RASAL2: variants seen among roughly 807,000 people sequenced by gnomAD.
RASAL2 encodes ras GTPase-activating protein nGAP.
In RASAL2, 58 loss-of-function variants were observed where a neutral mutation model predicts 128.9. That is an observed-to-expected ratio of 0.45 (90% CI 0.36 to 0.56). The LOEUF is 0.56. Among genes scored for constraint, RASAL2 ranks in the 20% least tolerant of loss-of-function variants. The pLI, the probability that RASAL2 is intolerant of heterozygous loss-of-function variation, is 0.00. For missense variants in RASAL2, 1,360 were observed against 1,601.6 expected, an observed-to-expected ratio of 0.85 and a Z score of 2.57; for synonymous variants, 561 against 580.8, an observed-to-expected ratio of 0.97 and a Z score of 0.49.
intron 2 of RASAL2, among the ~76,000 whole-genome samples, chr1:178,299,445 T>C (rs191229066): frequency 3.9e-5 from 6 of 152,296 alleles, no homozygotes; most frequent in Admixed American, 3.9e-4. Flanking sequence ...TTATGATTTG[T>C]ACATACTTCA....
At chr1:178,324,463 C>G (rs1054097096) in intron 3 of RASAL2, among the ~76,000 whole-genome samples, 2 of 151,596 alleles carry the variant, frequency 1.3e-5, no homozygotes, top group African/African-American at 4.8e-5. Context: ...TTAAAGCATT[C>G]TATCTCTGTA....
intron 9 of RASAL2, 57 bp downstream of exon 9, chr1:178,445,719 T>C (rs1676952277): frequency 1.3e-6 from 2 of 1,517,496 alleles, no homozygotes; most frequent in East Asian, 4.7e-5. Flanking sequence ...TTAAGCTATT[T>C]CACCCCCATG....
chr1:178,466,514 G>A (rs1647716511), intron 16 of RASAL2, among the ~76,000 whole-genome samples: 1 of 152,178 alleles, frequency 6.6e-6, no homozygotes, highest in African/African-American at 2.4e-5. Flanking sequence ...GAGTGCTGCA[G>A]ATGCCAAGGG....
chr1:178,158,336 A>C (rs1019016057), intron 1 of RASAL2, among the ~76,000 whole-genome samples: 2 of 152,236 alleles, frequency 1.3e-5, no homozygotes, highest in South Asian at 4.1e-4. Context: ...GTAGTGGACT[A>C]AGTCTTATTT....
Position 178,131,274 on chromosome 1 carries a change from A to T in RASAL2, c.202+36580A>T, listed in dbSNP as rs1321132879. On this transcript the variant is annotated intron_variant, in intron 1 of 17. Coordinates refer to ENST00000367649, the MANE Select transcript of RASAL2 (RefSeq NM_170692.4). ...CAGACTGGACTGCAGTGGCACAATC[A>T]TAGCTCACTGCAGTCTTGAACTCCC... Among the ~76,000 whole-genome samples the T allele has an allele frequency of 1.3e-5, 2 of 151,170 alleles. 1 individual carries two copies. Among genetic ancestry groups the T allele is most frequent in the East Asian group, 3.9e-4 (2 of 5,138 alleles).
intron 4 of RASAL2, among the ~76,000 whole-genome samples, chr1:178,403,623 A>C (rs1054439653): frequency 6.6e-6 from 1 of 152,216 alleles, no homozygotes; most frequent in Non-Finnish European, 1.5e-5. Flanking sequence ...CTGAGTAACC[A>C]TGTGGAAAAA....
At chr1:178,411,173 C>CGT (rs1674353686) in intron 4 of RASAL2, among the ~76,000 whole-genome samples, 4 of 138,770 alleles carry the variant, frequency 2.9e-5, no homozygotes, top group African/African-American at 1.0e-4. Flanking sequence ...TGTACACACA[C>CGT]ACACACACAC....
intron 4 of RASAL2, among the ~76,000 whole-genome samples, chr1:178,399,215 C>G (rs1458317531): frequency 1.3e-5 from 2 of 152,204 alleles, no homozygotes; most frequent in African/African-American, 4.8e-5. Flanking sequence ...CTCTCTGACC[C>G]TGGCAGGGGC....
chr1:178,341,311 A>G (rs922791739), intron 3 of RASAL2, among the ~76,000 whole-genome samples: 9 of 152,146 alleles, frequency 5.9e-5, no homozygotes, highest in Admixed American at 5.2e-4. Context: ...GACTGCCTTC[A>G]CCCAGTGCTG....
At chr1:178,155,355 A>G (rs1291239405) in intron 1 of RASAL2, among the ~76,000 whole-genome samples, 1 of 150,220 alleles carries the variant, frequency 6.7e-6, no homozygotes, top group Non-Finnish European at 1.5e-5. Context: ...ATTTATGTAC[A>G]TTTCCCCTGA....
At chr1:178,320,716 CG>C (rs1285271075) in intron 3 of RASAL2, among the ~76,000 whole-genome samples, 3 of 152,204 alleles carry the variant, frequency 2.0e-5, no homozygotes, top group Admixed American at 2.0e-4. Context: ...GAGATGAACC[CG>C]GTACCTCAGA....
rs1432963944 is a variant in RASAL2 at position 178,248,216 on chromosome 1, A to T, written c.203-35348A>T. 2.0e-5 allele frequency among the ~76,000 whole-genome samples: 3 copies of T among 152,178 alleles called. No homozygotes were observed. The East Asian group carries it at 5.8e-4, about 29-fold the overall frequency. On this transcript the variant is annotated intron_variant, in intron 1 of 17. Transcript: ENST00000367649. ...TGTGTGGGAGTCTAAGTCTCTTCGTAGATCTCTGATAACTTGCTTTATGAA... is the reference window on the plus strand; with the variant it reads ...TGTGTGGGAGTCTAAGTCTCTTCGTTGATCTCTGATAACTTGCTTTATGAA...
chr1:178,414,279 ACT>A (rs1674605991), intron 4 of RASAL2, among the ~76,000 whole-genome samples: 1 of 152,190 alleles, frequency 6.6e-6, no homozygotes, highest in South Asian at 2.1e-4. Flanking sequence ...TGAAAAGATC[ACT>A]GTTTGCCAGG....
At chr1:178,159,565 CG>C (rs1661198187) in intron 1 of RASAL2, among the ~76,000 whole-genome samples, 1 of 152,162 alleles carries the variant, frequency 6.6e-6, no homozygotes, top group Non-Finnish European at 1.5e-5. Context: ...AAAATGCTCT[CG>C]CTTATTAGAC....
chr1:178,424,266 G>A (rs1215541627), intron 5 of RASAL2, among the ~76,000 whole-genome samples: 4 of 149,744 alleles, frequency 2.7e-5, no homozygotes, highest in Middle Eastern at 3.2e-3. Context: ...TTTTGGATAC[G>A]GAGTCTCACT....
intron 1 of RASAL2, chr1:178,123,573 C>G (rs1659789250): frequency 6.6e-6 from 1 of 152,218 alleles, no homozygotes; most frequent in African/African-American, 2.4e-5. Context: ...CCCCACTTCA[C>G]TGTCCTCTCT....
chr1:178,338,349 C>T (rs1669698963), intron 3 of RASAL2, among the ~76,000 whole-genome samples: 1 of 150,980 alleles, frequency 6.6e-6, no homozygotes, highest in South Asian at 2.1e-4. Context: ...AGGCTAGTCT[C>T]GAACTCCTAA....
chr1:178,335,596 C>T (rs190684824), intron 3 of RASAL2, among the ~76,000 whole-genome samples: 1 of 152,266 alleles, frequency 6.6e-6, no homozygotes, highest in Non-Finnish European at 1.5e-5. Flanking sequence ...CTCCCTGGCC[C>T]CTCCGTATTC....
At chr1:178,101,784 C>G (rs1658909225) in intron 1 of RASAL2, among the ~76,000 whole-genome samples, 1 of 152,188 alleles carries the variant, frequency 6.6e-6, no homozygotes, top group South Asian at 2.1e-4. Context: ...CCTTAGCCTC[C>G]TGATTTAGCT....
Sources: allele counts gnomAD v4.1 joint callset (sites outside exome capture counted in the v4.1 genomes callset), GRCh38; gene constraint gnomAD v4.1.1; transcripts MANE v1.5; gene names NCBI Gene and HGNC (gene_info 2026-07-23, HGNC 2026-07-21).